RCSD1: variants seen among roughly 807,000 people sequenced by gnomAD.
RCSD1 encodes the protein capZ-interacting protein.
A neutral mutation model predicts 42.5 loss-of-function variants in RCSD1; 26 were observed. The ratio of observed to expected loss-of-function variants is 0.61; its 90% confidence interval spans 0.45 to 0.85. The LOEUF is 0.85. Ranked by LOEUF, RCSD1 falls within the 40% of genes least tolerant of loss-of-function variation. RCSD1 has a pLI of 0.00. For synonymous variants in RCSD1, 220 were observed against 212.2 expected (o/e 1.04, Z -0.32); for missense variants, 571 against 528.3 (o/e 1.08, Z -0.79).
chr1:167,699,907 G>A (rs562442632), intron 6 of RCSD1, among the ~76,000 whole-genome samples: 1 of 152,298 alleles, frequency 6.6e-6, no homozygotes, highest in African/African-American at 2.4e-5. Flanking sequence ...ACTGAGGCCT[G>A]TCTGTGCCAC....
chr1:167,638,653 G>T (rs563870938), intron 1 of RCSD1, among the ~76,000 whole-genome samples: 3 of 152,340 alleles, frequency 2.0e-5, no homozygotes, highest in African/African-American at 7.2e-5. Context: ...TGCTTGTAAG[G>T]CCTGGCACAG....
At chr1:167,651,630 C>A (rs1444458669) in intron 1 of RCSD1, among the ~76,000 whole-genome samples, 1 of 152,204 alleles carries the variant, frequency 6.6e-6, no homozygotes, top group Non-Finnish European at 1.5e-5. Context: ...GCCTGTTGCT[C>A]CTGCTGGTCC....
chr1:167,647,614 C>T (rs187586721), intron 1 of RCSD1, among the ~76,000 whole-genome samples: 17 of 152,192 alleles, frequency 1.1e-4, no homozygotes, highest in African/African-American at 3.9e-4. Context: ...GGTGGTGCAC[C>T]TGTAGTCCCA....
intron 1 of RCSD1, among the ~76,000 whole-genome samples, chr1:167,683,190 T>C (rs1447324333): frequency 6.6e-6 from 1 of 152,224 alleles, no homozygotes; most frequent in African/African-American, 2.4e-5. Flanking sequence ...ACAACCACCC[T>C]TCCAAAGCAT....
At chr1:167,634,941 A>T (rs3219617) in intron 1 of RCSD1, among the ~76,000 whole-genome samples, 87 of 146,622 alleles carry the variant, frequency 5.9e-4, no homozygotes, top group South Asian at 2.8e-3. Flanking sequence ...CTATGATGAG[A>T]GTGTGTGTGT....
chr1:167,638,741 C>A (rs958408989), intron 1 of RCSD1, among the ~76,000 whole-genome samples: 41 of 152,314 alleles, frequency 2.7e-4, no homozygotes, highest in African/African-American at 9.9e-4. Flanking sequence ...AAACTGGTGC[C>A]CACACCTAAA....
rs1377421975 is a variant in RCSD1 at position 167,685,425 on chromosome 1, C to T, written c.113C>T (p.Pro38Leu). ...REQAAAAKET[P>L]ASKPTRRKPP... is the part of the protein sequence containing the mutation. ...TGTCTGTCGCCCTCCCTCCAGACAC[C>T]AGCCAGTAAACCAACCCGAAGGAAA... Residue 38 changes from proline to leucine, a missense_variant, in exon 3 of 7, where the codon CCA (proline) becomes CTA (leucine). Physicochemically the swap from Pro to Leu is moderately conservative, Grantham distance 98. Coordinates refer to ENST00000367854, the MANE Select transcript of RCSD1 (RefSeq NM_052862.4). 3.1e-6 allele frequency: 5 copies of T among 1,613,674 alleles called. No homozygotes were observed. Among genetic ancestry groups the T allele is most frequent in the Non-Finnish European group, 3.4e-6 (4 of 1,179,788 alleles).
chr1:167,667,269 G>A (rs1658683622), intron 1 of RCSD1, among the ~76,000 whole-genome samples: 1 of 152,196 alleles, frequency 6.6e-6, no homozygotes, highest in South Asian at 2.1e-4. Flanking sequence ...GCCCTTGGAA[G>A]GGGCTTGGAG....
chr1:167,674,371 G>A lies in RCSD1; in HGVS notation c.7-9529G>A, dbSNP rs117358102. ...CTGAGCATGAGGGAAGGAAAGTCAC[G>A]AACATGGAAGTAAAGCCAATTTCCC... On this transcript the variant is annotated intron_variant, in intron 1 of 6. Transcript: ENST00000367854. Among the ~76,000 whole-genome samples, 8 of 152,274 alleles carry A rather than the reference G, an allele frequency of 5.3e-5. No homozygotes were observed. The East Asian group carries it at 9.6e-4, about 18-fold the overall frequency.
intron 1 of RCSD1, among the ~76,000 whole-genome samples, chr1:167,651,947 G>C (rs1658320261): frequency 6.6e-6 from 1 of 151,674 alleles, no homozygotes; most frequent in Non-Finnish European, 1.5e-5. Flanking sequence ...TCCCACAGAA[G>C]GGCAGAAGCC....
intron 3 of RCSD1, among the ~76,000 whole-genome samples, chr1:167,687,658 T>C (rs1008988066): frequency 6.6e-6 from 1 of 152,246 alleles, no homozygotes; most frequent in Non-Finnish European, 1.5e-5. Flanking sequence ...GAGGCTCTAA[T>C]GCTGGAAACC....
In RCSD1 at chr1:167,690,100, C is replaced by A. The variant is rs1558091063; in HGVS notation, c.250C>A (p.Pro84Thr). 1.2e-6 allele frequency: 2 copies of A among 1,614,156 alleles called. No homozygotes were observed. ...HPPKFKVKSSPLIEKLQANLT... is the reference protein window; with the variant it reads ...HPPKFKVKSSTLIEKLQANLT... ...TCCTAAATTCAAGGTCAAGAGCTCGCCTCTGATTGAGAAGCTTCAGGTAAG... is the reference window on the plus strand; with the variant it reads ...TCCTAAATTCAAGGTCAAGAGCTCGACTCTGATTGAGAAGCTTCAGGTAAG... The change falls in exon 4 of 7, where the codon CCT (proline) becomes ACT (threonine). Residue 84 changes from proline (P) to threonine (T), a missense_variant. Pro to Thr is a conservative substitution (Grantham distance 38). Transcript: ENST00000367854.
chr1:167,674,318 G>T (rs1479517388), intron 1 of RCSD1, among the ~76,000 whole-genome samples: 1 of 152,224 alleles, frequency 6.6e-6, no homozygotes, highest in Admixed American at 6.5e-5. Flanking sequence ...TGGAGGCAGG[G>T]AAGGGCTGAG....
At chr1:167,655,356 G>T (rs1354269811) in intron 1 of RCSD1, among the ~76,000 whole-genome samples, 1 of 151,932 alleles carries the variant, frequency 6.6e-6, no homozygotes, top group East Asian at 1.9e-4. Context: ...GTGAAGAAAA[G>T]AGACCATTTT....
chr1:167,685,618 T>C, intron 3 of RCSD1, 108 bp downstream of exon 3: 1 of 828,632 alleles, frequency 1.2e-6, no homozygotes, highest in South Asian at 1.6e-5. Flanking sequence ...AAGCTCAGAC[T>C]CTGTGCAGGG....
At chr1:167,664,197 G>T (rs1484891723) in intron 1 of RCSD1, 1 of 152,268 alleles carries the variant, frequency 6.6e-6, no homozygotes, top group Non-Finnish European at 1.5e-5. Context: ...ACCTGGTCTT[G>T]CCAAGCTCCA....
chr1:167,633,519 A>G (rs964516625), intron 1 of RCSD1: 15 of 152,276 alleles, frequency 9.9e-5, no homozygotes, highest in African/African-American at 3.1e-4. Flanking sequence ...TGAGTATAGT[A>G]GATGCCCAGC....
rs1659775040 is a variant in RCSD1 at position 167,707,199 on chromosome 1, C to T, written c.*2503C>T. Among the ~76,000 whole-genome samples the T allele has an allele frequency of 6.6e-6, 1 of 152,234 alleles. No individual in the cohort carries two copies. The highest frequency in any genetic ancestry group is 2.1e-4 in the South Asian group (1 of 4,834). ...TAGGTAAGCTTCAGTGGCCTCAGAACTCCAGGCCCCTCACGGAGATCACCC... is the reference window on the plus strand; with the variant it reads ...TAGGTAAGCTTCAGTGGCCTCAGAATTCCAGGCCCCTCACGGAGATCACCC... On this transcript the variant is annotated 3_prime_UTR_variant, in exon 7 of 7. Transcript: ENST00000367854.
intron 6 of RCSD1, among the ~76,000 whole-genome samples, chr1:167,701,694 C>A (rs1033642510): frequency 6.6e-6 from 1 of 152,190 alleles, no homozygotes; most frequent in African/African-American, 2.4e-5. Context: ...ACATATTAGG[C>A]ACCTGCCCAA....
Sources: allele counts gnomAD v4.1 joint callset (sites outside exome capture counted in the v4.1 genomes callset), GRCh38; gene constraint gnomAD v4.1.1; transcripts MANE v1.5; gene names NCBI Gene and HGNC (gene_info 2026-07-23, HGNC 2026-07-21).